Variants in CD6 observed in about 807,000 individuals in gnomAD.
The protein encoded by CD6 is T-cell differentiation antigen CD6.
In CD6, 53 loss-of-function variants were observed where a neutral mutation model predicts 75.3. The ratio of observed to expected loss-of-function variants is 0.70; its 90% CI spans 0.56 to 0.88. CD6 has a LOEUF of 0.88. Ranked by LOEUF, CD6 falls within the 40% of genes least tolerant of loss-of-function variation. The probability of loss-of-function intolerance (pLI) is 0.00; values close to 1 mark genes in which losing one functional copy is unlikely to be tolerated. For synonymous variants in CD6, 359 were observed against 381.5 expected (o/e 0.94, Z 0.69); for missense variants, 770 against 897.1 (o/e 0.86, Z 1.81).
intron 6 of CD6, among the ~76,000 whole-genome samples, chr11:61,012,602 C>T (rs536411869): frequency 2.0e-5 from 3 of 152,308 alleles, no homozygotes; most frequent in Non-Finnish European, 2.9e-5. Flanking sequence ...TCTCCCTCCC[C>T]GTTGCTGTCA....
In CD6 at chr11:60,993,411, G is replaced by A. The variant is rs572008458; in HGVS notation, c.50-13163G>A. ...AATGTAGAATCAATAGCCAGCTGCC[G>A]TCCCATAGCTACCAAGGGCCAAACG... On this transcript the variant is annotated intron_variant, in intron 1 of 12. Coordinates refer to ENST00000313421, the MANE Select transcript of CD6 (RefSeq NM_006725.5). Among the ~76,000 whole-genome samples the A allele has an allele frequency of 9.2e-5, 14 of 152,262 alleles. No homozygotes were observed. In the South Asian group the frequency reaches 2.9e-3, roughly 32 times the overall value.
chr11:60,975,687 C>T (rs1035331291), intron 1 of CD6, among the ~76,000 whole-genome samples: 1 of 152,076 alleles, frequency 6.6e-6, no homozygotes, highest in Non-Finnish European at 1.5e-5. Flanking sequence ...GTTGTCCCAG[C>T]TACTCGGAAG....
intron 1 of CD6, among the ~76,000 whole-genome samples, chr11:60,993,378 T>C (rs1281681704): frequency 6.6e-6 from 1 of 151,572 alleles, no homozygotes; most frequent in African/African-American, 2.4e-5. Context: ...TCTTTCTGCC[T>C]GGTATGGAAT....
chr11:60,988,121 C>G (rs1184839255), intron 1 of CD6: 1 of 152,212 alleles, frequency 6.6e-6, no homozygotes, highest in Non-Finnish European at 1.5e-5. Flanking sequence ...TCTGGCTCCG[C>G]CTCTTAGTAA....
chr11:60,982,770 G>T (rs1857627692), intron 1 of CD6: 1 of 455,796 alleles, frequency 2.2e-6, no homozygotes, highest in Non-Finnish European at 4.4e-6. Flanking sequence ...AGGAAAGCGA[G>T]GTGCGAAGTG....
At position 60,986,489 on chromosome 11, in the gene CD6, G is replaced by A. The variant is rs969095722; in HGVS notation, c.49+14575G>A. ...GGCCATGTCACTCTTCAGCTTTTGC[G>A]CTCTAGGTAGATGCTAAAGCCTTCC... On this transcript the variant is annotated intron_variant, in intron 1 of 12. Transcript: ENST00000313421. Among the ~76,000 whole-genome samples the A allele has an allele frequency of 3.9e-5, 6 of 152,274 alleles. No individual in the cohort carries two copies. The East Asian group carries it at 7.7e-4, about 20-fold the overall frequency.
At chr11:61,013,603 G>T in intron 7 of CD6, 40 bp downstream of exon 7, 1 of 1,606,726 alleles carries the variant, frequency 6.2e-7, no homozygotes, top group Non-Finnish European at 8.5e-7. Context: ...ATCCCAGGGG[G>T]ATGTGAGCCT....
chr11:60,984,382 A>G (rs1013457222), intron 1 of CD6, among the ~76,000 whole-genome samples: 1 of 152,104 alleles, frequency 6.6e-6, no homozygotes, highest in Non-Finnish European at 1.5e-5. Flanking sequence ...TAATGAGGCC[A>G]AGGTTTGAGC....
At chr11:61,003,818 G>T (rs190857443) in intron 1 of CD6, among the ~76,000 whole-genome samples, 1 of 152,318 alleles carries the variant, frequency 6.6e-6, no homozygotes, top group Non-Finnish European at 1.5e-5. Flanking sequence ...TGGAAAGACG[G>T]TTCCAGGTAA....
chr11:60,997,470 G>T (rs1858360481), intron 1 of CD6, among the ~76,000 whole-genome samples: 1 of 150,826 alleles, frequency 6.6e-6, no homozygotes, highest in African/African-American at 2.4e-5. Flanking sequence ...AAAAGAAACA[G>T]ATGAAATTTC....
chr11:60,980,373 C>A (rs1857517074), intron 1 of CD6, among the ~76,000 whole-genome samples: 1 of 152,128 alleles, frequency 6.6e-6, no homozygotes, highest in Admixed American at 6.5e-5. Flanking sequence ...ATGTGAGATT[C>A]ATGCCTGTAG....
intron 1 of CD6, among the ~76,000 whole-genome samples, chr11:60,990,755 T>A (rs1431292799): frequency 7.2e-6 from 1 of 138,948 alleles, no homozygotes; most frequent in Non-Finnish European, 1.7e-5. Context: ...CCATACACAA[T>A]GGATGGTATT....
chr11:60,979,257 G>A (rs1360654411), intron 1 of CD6, among the ~76,000 whole-genome samples: 1 of 152,100 alleles, frequency 6.6e-6, no homozygotes, highest in East Asian at 1.9e-4. Context: ...CAGCCCTGAG[G>A]GACCTCTGAG....
At chr11:61,017,361 G>C in intron 9 of CD6, 118 bp from the exon 10 acceptor site, 2 of 721,310 alleles carry the variant, frequency 2.8e-6, no homozygotes, top group Non-Finnish European at 4.9e-6. Flanking sequence ...TCTGCCTCCG[G>C]AGTTGTCCTC....
In CD6 at chr11:60,971,965, C is replaced by T. The variant is rs377597105; in HGVS notation, c.49+51C>T. 8.4e-5 allele frequency: 132 copies of T among 1,579,528 alleles called. No individual in the cohort carries two copies. The African/African-American group carries it at 1.5e-3, about 18-fold the overall frequency. ...CCACTGGTGCTGGAGGAGCCGGGTCCGGCCCTCTCAGTCCCCTTTCTGGTT... is the reference window on the plus strand; with the variant it reads ...CCACTGGTGCTGGAGGAGCCGGGTCTGGCCCTCTCAGTCCCCTTTCTGGTT... On this transcript the variant is annotated intron_variant, in intron 1 of 12. Transcript: ENST00000313421.
At chr11:60,996,789 C>G (rs112383992) in intron 1 of CD6, among the ~76,000 whole-genome samples, 1,888 of 152,288 alleles carry the variant, frequency 0.012, 14 homozygotes, top group Non-Finnish European at 0.02. Flanking sequence ...CACTGGGAGC[C>G]TGACCTCCCC....
chr11:61,018,838 C>T (rs1252994162), intron 12 of CD6: 1 of 240,616 alleles, frequency 4.2e-6, no homozygotes, highest in Admixed American at 5.0e-5. Context: ...AAAACAAACA[C>T]AAGCACAACA....
intron 1 of CD6, among the ~76,000 whole-genome samples, chr11:60,995,125 CTT>C (rs11334582): frequency 7.4e-5 from 11 of 148,646 alleles, no homozygotes; most frequent in African/African-American, 2.2e-4. Flanking sequence ...GCGCATGCGT[CTT>C]TTTTTTTTTC....
chr11:61,019,637 G>A lies in CD6; in HGVS notation c.*319G>A, dbSNP rs568662323. ...TGACAGCTGGTGGAGGGGAGTTGGGGAGCTGGACTGGATGACTCTGGAGGC... is the reference window on the plus strand; with the variant it reads ...TGACAGCTGGTGGAGGGGAGTTGGGAAGCTGGACTGGATGACTCTGGAGGC... On this transcript the variant is annotated 3_prime_UTR_variant, in exon 13 of 13. Coordinates refer to ENST00000313421, the MANE Select transcript of CD6 (RefSeq NM_006725.5). 1.3e-3 allele frequency: 408 copies of A among 310,636 alleles called. No individual in the cohort carries two copies. The highest frequency in any genetic ancestry group is 1.9e-3 in the Non-Finnish European group (329 of 169,574). 19.2% of individuals were successfully genotyped at this position (310,636 alleles called of 1,614,324 possible).
Sources: gnomAD v4.1 joint callset for allele counts (sites outside exome capture counted in the v4.1 genomes callset) on GRCh38, gnomAD v4.1.1 for gene constraint, MANE v1.5 for transcripts, NCBI Gene and HGNC (gene_info 2026-07-23, HGNC 2026-07-21) for gene names.